Variants in B4GALNT3 observed in about 807,000 individuals in gnomAD.
B4GALNT3 encodes the protein beta-1,4-N-acetyl-galactosaminyltransferase 3.
In B4GALNT3, 86 loss-of-function variants were observed where a neutral mutation model predicts 120.2. That is an observed-to-expected ratio of 0.72 (90% CI 0.60 to 0.86). The LOEUF is 0.86. B4GALNT3 is among the 40% of genes least tolerant of loss of function. B4GALNT3 has a pLI of 0.00. For missense variants in B4GALNT3, 1,167 were observed against 1,298.9 expected (o/e 0.90, Z 1.56); for synonymous variants, 518 against 510.4 (o/e 1.01, Z -0.20).
At chr12:497,201 T>TG (rs1334012662) in intron 1 of B4GALNT3, among the ~76,000 whole-genome samples, 1 of 152,180 alleles carries the variant, frequency 6.6e-6, no homozygotes, top group African/African-American at 2.4e-5. Flanking sequence ...TTGCCCAGGC[T>TG]GGAGTGCAAT....
At position 486,852 on chromosome 12, in the gene B4GALNT3, G is replaced by A. The variant is rs1946295408; in HGVS notation, c.169+26307G>A. On this transcript the variant is annotated intron_variant, in intron 1 of 19. Coordinates refer to ENST00000266383, the MANE Select transcript of B4GALNT3 (RefSeq NM_173593.4). ...ACATTTTGAAGAGACTGGACAATTAGAACCAGAGTAGGTATGGAAGAAGTG... is the reference window on the plus strand; with the variant it reads ...ACATTTTGAAGAGACTGGACAATTAAAACCAGAGTAGGTATGGAAGAAGTG... Among the ~76,000 whole-genome samples the A allele has an allele frequency of 2.6e-5, 4 of 152,210 alleles. No individual in the cohort carries two copies. In the South Asian group the frequency reaches 8.3e-4, roughly 32 times the overall value.
At chr12:462,530 G>A (rs1420104801) in intron 1 of B4GALNT3, among the ~76,000 whole-genome samples, 1 of 151,374 alleles carries the variant, frequency 6.6e-6, no homozygotes, top group East Asian at 1.9e-4. Flanking sequence ...CTCTGACTGG[G>A]TTTCCTTATT....
At chr12:507,028 A>G (rs377468325) in intron 1 of B4GALNT3, among the ~76,000 whole-genome samples, 1 of 152,296 alleles carries the variant, frequency 6.6e-6, no homozygotes, top group South Asian at 2.1e-4. Flanking sequence ...CTTTGCTCAC[A>G]CCCAGTTTCC....
At position 545,436 on chromosome 12, in the gene B4GALNT3, C is replaced by G. The variant is rs756279218; in HGVS notation, c.606C>G (p.Val202=). 1 of 1,610,294 alleles carries G rather than the reference C, an allele frequency of 6.2e-7. No homozygotes were observed. The highest frequency in any genetic ancestry group is 8.5e-7 in the Non-Finnish European group (1 of 1,178,862). The part of the protein sequence containing the change: ...AEFWLSLDDQ[V]SGLQLLASVG... ...TCTGGCTGAGCCTCGATGACCAGGT[C>G]TCAGGCCTCCAGCTGCTGGCCAGTG... The change falls in exon 6 of 20, where the codon GTC becomes GTG. Residue 202 remains valine, a synonymous_variant. Coordinates refer to ENST00000266383, the MANE Select transcript of B4GALNT3 (RefSeq NM_173593.4).
intron 3 of B4GALNT3, among the ~76,000 whole-genome samples, chr12:541,861 A>AC (rs1156625338): frequency 1.7e-3 from 45 of 27,142 alleles, no homozygotes; most frequent in South Asian, 9.3e-3. Flanking sequence ...ACCCCCCCCC[A>AC]CCCCCCGGCC....
At chr12:555,050 C>G (rs1947136127) in intron 14 of B4GALNT3, among the ~76,000 whole-genome samples, 1 of 151,770 alleles carries the variant, frequency 6.6e-6, no homozygotes. Flanking sequence ...TGATGGCATG[C>G]ACCTGTATCC....
intron 1 of B4GALNT3, among the ~76,000 whole-genome samples, 191 bp from the exon 2 acceptor site, chr12:534,972 TCTC>T (rs1298259384): frequency 2.6e-5 from 4 of 152,134 alleles, no homozygotes; most frequent in African/African-American, 9.7e-5. Context: ...TGTAAGCTCA[TCTC>T]CTCTCTCTGC....
At chr12:469,801 CATT>C (rs1234155628) in intron 1 of B4GALNT3, among the ~76,000 whole-genome samples, 2 of 152,084 alleles carry the variant, frequency 1.3e-5, no homozygotes, top group African/African-American at 2.4e-5. Context: ...GCAGTTATCT[CATT>C]ATTTATTTAT....
Position 511,352 on chromosome 12 carries a change from C to G in B4GALNT3, c.170-23814C>G, listed in dbSNP as rs1381145280. Among the ~76,000 whole-genome samples, 458 of 111,358 alleles carry G rather than the reference C, an allele frequency of 4.1e-3. 27 individuals carry two copies. Among genetic ancestry groups the G allele is most frequent in the Non-Finnish European group, 5.4e-3 (285 of 53,008 alleles). 73.1% of individuals were successfully genotyped at this position (111,358 alleles called of 152,430 possible). ...CACCTTCCACCTTCCTTCCACCTTC[C>G]ACCTTCCACCTTCAACCTTCCGCCT... On this transcript the variant is annotated intron_variant, in intron 1 of 19. Coordinates refer to ENST00000266383, the MANE Select transcript of B4GALNT3 (RefSeq NM_173593.4).
chr12:541,504 C>T (rs1034258713), intron 3 of B4GALNT3, among the ~76,000 whole-genome samples: 2 of 152,136 alleles, frequency 1.3e-5, no homozygotes, highest in Non-Finnish European at 2.9e-5. Flanking sequence ...CTGCCAGATA[C>T]AAAGTCTCCA....
chr12:507,452 G>A (rs1440960434), intron 1 of B4GALNT3, among the ~76,000 whole-genome samples: 1 of 152,162 alleles, frequency 6.6e-6, no homozygotes, highest in African/African-American at 2.4e-5. Flanking sequence ...TTAGACAGAC[G>A]CTTCCACTGT....
intron 1 of B4GALNT3, among the ~76,000 whole-genome samples, chr12:465,038 A>G (rs1016124774): frequency 2.0e-5 from 3 of 152,158 alleles, no homozygotes; most frequent in African/African-American, 7.2e-5. Context: ...AATGAGACAG[A>G]TGTGTGGGCA....
chr12:546,657 G>T lies in B4GALNT3; in HGVS notation c.651G>T (p.Glu217Asp). Reference protein sequence around the residue: ...LLASVGKTGKEWTAPGEFGKF... With the variant: ...LLASVGKTGKDWTAPGEFGKF... ...TTCCACACCTCTAGACTGGAAAGGA[G>T]TGGACCGCCCCGGGAGAGTTTGGGA... Residue 217 changes from glutamate (E) to aspartate (D), a missense_variant, in exon 7 of 20, where the codon GAG becomes GAT. Physicochemically the swap from Glu to Asp is conservative, Grantham distance 45. Transcript: ENST00000266383. The T allele has an allele frequency of 6.4e-7, 1 of 1,551,558 alleles. No homozygotes were observed. Among genetic ancestry groups the T allele is most frequent in the Non-Finnish European group, 8.7e-7 (1 of 1,146,888 alleles).
In B4GALNT3 at chr12:561,403, C is replaced by G; in HGVS notation, c.2949C>G (p.Phe983Leu). ...RLSLRNFFHH[F>L]HSKRGMWSRR... ...CCCTCAGGAATTTCTTCCATCATTTCCATTCCAAGCGAGGCATGTGGAGCC... is the reference window on the plus strand; with the variant it reads ...CCCTCAGGAATTTCTTCCATCATTTGCATTCCAAGCGAGGCATGTGGAGCC... The change falls in exon 20 of 20, where the codon TTC becomes TTG. Residue 983 changes from phenylalanine to leucine, a missense_variant. Coordinates refer to ENST00000266383, the MANE Select transcript of B4GALNT3 (RefSeq NM_173593.4). The G allele has an allele frequency of 6.2e-7, 1 of 1,614,014 alleles. No individual in the cohort carries two copies. The highest frequency in any genetic ancestry group is 8.5e-7 in the Non-Finnish European group (1 of 1,180,030).
intron 1 of B4GALNT3, among the ~76,000 whole-genome samples, chr12:467,474 G>A (rs550166402): frequency 1.8e-4 from 28 of 152,134 alleles, no homozygotes; most frequent in Admixed American, 5.2e-4. Flanking sequence ...CACAAGAGTC[G>A]CTTGAACCTG....
chr12:496,698 A>C (rs914350759), intron 1 of B4GALNT3, among the ~76,000 whole-genome samples: 23 of 152,092 alleles, frequency 1.5e-4, no homozygotes, highest in African/African-American at 5.3e-4. Context: ...TATTTCCGTC[A>C]CCCCTAAAGG....
intron 1 of B4GALNT3, among the ~76,000 whole-genome samples, chr12:488,879 C>T (rs951824880): frequency 8.9e-5 from 13 of 146,790 alleles, no homozygotes; most frequent in African/African-American, 2.7e-4. Flanking sequence ...GTTGTAAACT[C>T]TAGGGCTCCA....
intron 1 of B4GALNT3, among the ~76,000 whole-genome samples, chr12:501,402 A>G (rs534964789): frequency 1.1e-4 from 16 of 152,260 alleles, no homozygotes; most frequent in Admixed American, 3.3e-4. Flanking sequence ...CCTTATCTTT[A>G]TACAAAGGCT....
In B4GALNT3 at chr12:548,428, G is replaced by A; in HGVS notation, c.853+131G>A. On this transcript the variant is annotated intron_variant, in intron 9 of 19. Coordinates refer to ENST00000266383, the MANE Select transcript of B4GALNT3 (RefSeq NM_173593.4). The surrounding 1 kb of genome is among the most constrained non-coding windows in gnomAD (Gnocchi z 4.9). The stretch of plus-strand genomic sequence containing the variant: ...GATGCTTGGGACACGGGTATGAAGG[G>A]GTCCAGAACAAGAGTGGGACCTTAT... 2.5e-6 allele frequency: 2 copies of A among 802,940 alleles called. No homozygotes were observed. Among genetic ancestry groups the A allele is most frequent in the South Asian group, 3.1e-5 (2 of 63,792 alleles). The allele number at this position is 802,940 out of a possible 1,614,324, so 49.7% of individuals were successfully genotyped here. A position where few individuals can be genotyped will look rare whatever the true frequency, so the allele number is the denominator to read the frequency against.
Sources: gnomAD v4.1 joint callset for allele counts (sites outside exome capture counted in the v4.1 genomes callset) on GRCh38, gnomAD v4.1.1 for gene constraint, Gnocchi (gnomAD v3.1) non-coding constraint, MANE v1.5 for transcripts, NCBI Gene and HGNC (gene_info 2026-07-23, HGNC 2026-07-21) for gene names.